Variants in NCOA7 observed in about 807,000 individuals in gnomAD.
NCOA7 encodes the protein 140 kDa estrogen receptor-associated protein.
Under a neutral mutation model 104.3 loss-of-function variants are expected in NCOA7, and 45 were observed. That is an observed-to-expected ratio of 0.43 (90% CI 0.34 to 0.55). The LOEUF (loss-of-function observed/expected upper bound fraction) is 0.55, where lower values mean the gene tolerates loss of function less well. NCOA7 is among the 20% of genes least tolerant of loss of function. The pLI is 0.02. For synonymous variants in NCOA7, 398 were observed against 402.3 expected (o/e 0.99, Z 0.13); for missense variants, 1,041 against 1,119.7 (o/e 0.93, Z 1.00).
At chr6:125,856,475 C>T (rs1482788979) in intron 3 of NCOA7, among the ~76,000 whole-genome samples, 1 of 152,066 alleles carries the variant, frequency 6.6e-6, no homozygotes, top group East Asian at 1.9e-4. Context: ...GCCTCAGCCT[C>T]CCGAGTAGCT....
In NCOA7 at chr6:125,927,744, A is replaced by G. The variant is rs1788158660; in HGVS notation, c.2605A>G (p.Ser869Gly). 1 of 1,613,160 alleles carries G rather than the reference A, an allele frequency of 6.2e-7. No individual in the cohort carries two copies. The highest frequency in any genetic ancestry group is 8.5e-7 in the Non-Finnish European group (1 of 1,179,106). ...GTGETFLYTF[S>G]PHFKVFKWSG... ...AGGCGAAACTTTTCTCTACACATTC[A>G]GCCCTCATTTTAAGGTACCTAGATA... The change falls in exon 14 of 16, where the codon AGC becomes GGC. Residue 869 changes from serine (S) to glycine (G), a missense_variant. By Grantham distance (56) the Ser-to-Gly change is moderately conservative. This residue lies in a region of NCOA7 where 127 missense variants were observed against 177.0 expected (regional missense o/e 0.72). Coordinates refer to ENST00000392477, the MANE Select transcript of NCOA7 (RefSeq NM_181782.5).
intron 1 of NCOA7, among the ~76,000 whole-genome samples, chr6:125,781,901 A>G (rs1486256615): frequency 3.3e-5 from 5 of 152,246 alleles, no homozygotes; most frequent in Admixed American, 3.3e-4. Context: ...AAAGCAACAG[A>G]AAGTTGCAAC....
chr6:125,846,747 T>C (rs1372295454), intron 2 of NCOA7, among the ~76,000 whole-genome samples: 1 of 152,270 alleles, frequency 6.6e-6, no homozygotes, highest in Non-Finnish European at 1.5e-5. Flanking sequence ...GGCTGTAACC[T>C]AGGCTTGTGA....
At chr6:125,783,067 T>C (rs962643126) in intron 1 of NCOA7, among the ~76,000 whole-genome samples, 3 of 152,220 alleles carry the variant, frequency 2.0e-5, no homozygotes, top group Non-Finnish European at 4.4e-5. Flanking sequence ...TGCAGGCGGT[T>C]CCTCTTCTCC....
chr6:125,796,977 G>A (rs1775397857), intron 1 of NCOA7, among the ~76,000 whole-genome samples: 1 of 152,148 alleles, frequency 6.6e-6, no homozygotes, highest in African/African-American at 2.4e-5. Flanking sequence ...ACTTTTTAAA[G>A]CAGCCCTTGC....
chr6:125,874,868 T>G, intron 3 of NCOA7, 21 bp from the exon 4 acceptor site: 2 of 1,580,304 alleles, frequency 1.3e-6, no homozygotes, highest in Non-Finnish European at 1.7e-6. Flanking sequence ...ATTATTCATT[T>G]ACATACAATT....
At chr6:125,797,722 T>C (rs1255212682) in intron 1 of NCOA7, 1 of 152,164 alleles carries the variant, frequency 6.6e-6, no homozygotes, top group African/African-American at 2.4e-5. Context: ...TATTCATGGG[T>C]CTGCTGGGAA....
chr6:125,811,249 T>C (rs1776977422), intron 1 of NCOA7, among the ~76,000 whole-genome samples: 1 of 152,218 alleles, frequency 6.6e-6, no homozygotes, highest in Non-Finnish European at 1.5e-5. Context: ...TTTGTATTGG[T>C]CTGCCATATA....
intron 2 of NCOA7, among the ~76,000 whole-genome samples, chr6:125,826,170 A>C (rs915015177): frequency 2.0e-5 from 3 of 151,560 alleles, no homozygotes; most frequent in Non-Finnish European, 4.4e-5. Context: ...ACTAAAATAC[A>C]AAAAAAATTA....
intron 3 of NCOA7, among the ~76,000 whole-genome samples, chr6:125,874,302 G>A (rs1437921028): frequency 2.0e-5 from 3 of 152,192 alleles, no homozygotes; most frequent in Non-Finnish European, 1.5e-5. Flanking sequence ...TCCAGCCTGG[G>A]TGACAGAGTG....
chr6:125,918,827 G>A (rs968027227), intron 11 of NCOA7, among the ~76,000 whole-genome samples: 7 of 151,986 alleles, frequency 4.6e-5, no homozygotes, highest in African/African-American at 1.7e-4. Context: ...TGTTCTAACT[G>A]TAATGAAGCC....
chr6:125,889,728 T>C lies in NCOA7; in HGVS notation c.1674T>C (p.Ile558=). ...GKSIEPGGID[I]TLSSSLSQAG... ...GTATTGAACCAGGGGGAATAGACAT[T>C]ACCCTTAGTAGTTCTCTTTCCCAGG... The change falls in exon 9 of 16, where the codon ATT becomes ATC. Residue 558 remains isoleucine, a synonymous_variant. Transcript: ENST00000392477. The C allele has an allele frequency of 6.2e-7, 1 of 1,613,696 alleles. No individual in the cohort carries two copies. Among genetic ancestry groups the C allele is most frequent in the Middle Eastern group, 1.7e-4 (1 of 6,054 alleles).
At chr6:125,814,842 A>AG (rs1777431443) in intron 1 of NCOA7, among the ~76,000 whole-genome samples, 2 of 152,072 alleles carry the variant, frequency 1.3e-5, no homozygotes, top group Admixed American at 6.5e-5. Flanking sequence ...TGCTGAAGTT[A>AG]TTTTTATTTT....
intron 1 of NCOA7, among the ~76,000 whole-genome samples, chr6:125,809,025 T>G (rs182946571): frequency 3.5e-4 from 53 of 152,332 alleles, no homozygotes; most frequent in Non-Finnish European, 6.8e-4. Context: ...CTTTCCCGAA[T>G]AGCAGATCCG....
chr6:125,892,035 T>G (rs116391546), intron 10 of NCOA7, among the ~76,000 whole-genome samples: 509 of 152,276 alleles, frequency 3.3e-3, no homozygotes, highest in African/African-American at 0.012. Flanking sequence ...GTCCTAGAAT[T>G]AGAATTTTAC....
intron 1 of NCOA7, among the ~76,000 whole-genome samples, chr6:125,802,145 A>G (rs924804829): frequency 2.0e-5 from 3 of 152,262 alleles, no homozygotes; most frequent in South Asian, 2.1e-4. Flanking sequence ...CATATAAACA[A>G]TAATATGTAC....
intron 3 of NCOA7, among the ~76,000 whole-genome samples, chr6:125,855,844 C>T (rs952120176): frequency 6.6e-6 from 1 of 151,948 alleles, no homozygotes; most frequent in African/African-American, 2.4e-5. Flanking sequence ...CCACCATGCC[C>T]GGCTAATTTG....
intron 2 of NCOA7, among the ~76,000 whole-genome samples, chr6:125,832,065 G>A (rs1170975275): frequency 6.6e-6 from 1 of 152,156 alleles, no homozygotes; most frequent in Non-Finnish European, 1.5e-5. Context: ...CACTGGGCTT[G>A]TTTGCGTCAA....
chr6:125,904,728 T>G (rs1478380092), intron 10 of NCOA7, among the ~76,000 whole-genome samples: 1 of 152,208 alleles, frequency 6.6e-6, no homozygotes, highest in Non-Finnish European at 1.5e-5. Context: ...TTTTGGAGAC[T>G]GGTGCAAAAC....
Sources: allele counts gnomAD v4.1 joint callset (sites outside exome capture counted in the v4.1 genomes callset), GRCh38; gene constraint gnomAD v4.1.1; regional missense constraint gnomAD v4.1.1; transcripts MANE v1.5; gene names NCBI Gene and HGNC (gene_info 2026-07-23, HGNC 2026-07-21).